KIF26B: variants seen among roughly 807,000 people sequenced by gnomAD.
KIF26B encodes kinesin-like protein KIF26B.
In KIF26B, 63 loss-of-function variants were observed where a neutral mutation model predicts 151.2. That is an observed-to-expected ratio of 0.42 (90% CI 0.34 to 0.51). The LOEUF (loss-of-function observed/expected upper bound fraction) is 0.51. KIF26B is among the 20% of genes least tolerant of loss of function. KIF26B has a pLI of 0.07. For missense variants in KIF26B, 2,813 were observed against 2,913.6 expected (o/e 0.97, Z 0.79); for synonymous variants, 1,357 against 1,262.1 (o/e 1.08, Z -1.59).
chr1:245,181,699 G>A (rs778580709), intron 2 of KIF26B, among the ~76,000 whole-genome samples: 3 of 152,008 alleles, frequency 2.0e-5, no homozygotes, highest in Non-Finnish European at 4.4e-5. Context: ...TTATTCCTTC[G>A]ATTTCTTTTA....
At chr1:245,374,020 T>A in intron 3 of KIF26B, among the ~76,000 whole-genome samples, 1 of 122,392 alleles carries the variant, frequency 8.2e-6, no homozygotes, top group Non-Finnish European at 1.6e-5. Flanking sequence ...ATTGTACCAC[T>A]GCCTGTAACC....
intron 2 of KIF26B, among the ~76,000 whole-genome samples, chr1:245,308,050 A>T (rs190286549): frequency 1.3e-5 from 2 of 152,058 alleles, no homozygotes; most frequent in Non-Finnish European, 2.9e-5. Context: ...TGTCCATCTG[A>T]CTCGTTTCTA....
chr1:245,679,486 T>TG (rs1553303902), intron 10 of KIF26B, among the ~76,000 whole-genome samples: 8 of 102,212 alleles, frequency 7.8e-5, no homozygotes, highest in African/African-American at 2.4e-4. Context: ...TTTTTTTTTT[T>TG]GACACAAGGT....
At chr1:245,681,876 A>C (rs2044444137) in intron 10 of KIF26B, among the ~76,000 whole-genome samples, 1 of 152,260 alleles carries the variant, frequency 6.6e-6, no homozygotes, top group Non-Finnish European at 1.5e-5. Context: ...AAGGTTACGT[A>C]TTGACCAGTT....
intron 3 of KIF26B, among the ~76,000 whole-genome samples, chr1:245,383,901 C>T (rs1041512919): frequency 5.9e-5 from 9 of 152,162 alleles, no homozygotes; most frequent in African/African-American, 1.9e-4. Flanking sequence ...TGTTCCTGAA[C>T]GTGTGCCTGG....
intron 4 of KIF26B, among the ~76,000 whole-genome samples, chr1:245,518,957 T>C (rs1172163826): frequency 6.6e-6 from 1 of 152,212 alleles, no homozygotes; most frequent in East Asian, 1.9e-4. Context: ...ATTCAACCAG[T>C]GTTCATAAAG....
At chr1:245,558,038 T>C (rs1662078296) in intron 5 of KIF26B, among the ~76,000 whole-genome samples, 1 of 152,138 alleles carries the variant, frequency 6.6e-6, no homozygotes, top group Non-Finnish European at 1.5e-5. Context: ...AACGGATGAC[T>C]GCTTAGACAC....
chr1:245,525,252 C>T (rs1352730403), intron 4 of KIF26B, among the ~76,000 whole-genome samples: 1 of 152,156 alleles, frequency 6.6e-6, no homozygotes, highest in Non-Finnish European at 1.5e-5. Context: ...TAAGTTATTT[C>T]TGTCTATGGA....
rs552762041 is a variant in KIF26B at position 245,673,026 on chromosome 1, G to A, written c.2259-11207G>A. Among the ~76,000 whole-genome samples, 8 of 151,862 alleles carry A rather than the reference G, an allele frequency of 5.3e-5. No individual in the cohort carries two copies. The East Asian group carries it at 5.9e-4, about 11-fold the overall frequency. ...CCATAATGCACCCAGTCCCCACGGCGCGCTGCCATCTTAGGCCCAGTCCCC... is the reference window on the plus strand; with the variant it reads ...CCATAATGCACCCAGTCCCCACGGCACGCTGCCATCTTAGGCCCAGTCCCC... On this transcript the variant is annotated intron_variant, in intron 10 of 14. Transcript: ENST00000407071.
At chr1:245,370,568 C>T (rs2103012140) in intron 3 of KIF26B, 1 of 456,596 alleles carries the variant, frequency 2.2e-6, no homozygotes, top group Admixed American at 2.3e-5. Context: ...TCACATTTCA[C>T]CTTCCAGGAC....
chr1:245,694,992 C>T (rs961052475), intron 12 of KIF26B, among the ~76,000 whole-genome samples: 5 of 152,140 alleles, frequency 3.3e-5, no homozygotes, highest in Non-Finnish European at 5.9e-5. Context: ...AGACAGGCGG[C>T]GTCCAATGGG....
At chr1:245,203,255 A>AAAAAAAGAAG (rs61541280) in intron 2 of KIF26B, among the ~76,000 whole-genome samples, 3 of 129,746 alleles carry the variant, frequency 2.3e-5, no homozygotes, top group African/African-American at 9.0e-5. Flanking sequence ...TCAAAAAAAA[A>AAAAAAAGAAG]AAAAGAAAAT....
At position 245,539,759 on chromosome 1, in the gene KIF26B, C is replaced by T. The variant is rs139686625; in HGVS notation, c.1167-1008C>T. Among the ~76,000 whole-genome samples, 975 of 152,196 alleles carry T rather than the reference C, an allele frequency of 6.4e-3. 9 individuals carry two copies. Among genetic ancestry groups the T allele is most frequent in the African/African-American group, 0.022 (919 of 41,538 alleles). On this transcript the variant is annotated intron_variant, in intron 4 of 14. Transcript: ENST00000407071. ...CCTCCGCCTCCTGGGTTCAAGCGATCCTCCTGCCTCAGCCTCCCGAATAGC... is the reference window on the plus strand; with the variant it reads ...CCTCCGCCTCCTGGGTTCAAGCGATTCTCCTGCCTCAGCCTCCCGAATAGC...
At position 245,156,653 on chromosome 1, in the gene KIF26B, G is replaced by T. The variant is rs752444847; in HGVS notation, c.435G>T (p.Arg145Ser). 33 of 1,514,906 alleles carry T rather than the reference G, an allele frequency of 2.2e-5. No homozygotes were observed. The Admixed American group carries it at 5.4e-4, about 25-fold the overall frequency. The allele number at this position is 1,514,906 out of a possible 1,614,324, so 93.8% of individuals were successfully genotyped here. A position where few individuals can be genotyped will look rare whatever the true frequency, so the allele number is the denominator to read the frequency against. The change falls in exon 2 of 15, where the codon AGG (arginine) becomes AGT (serine). Residue 145 changes from arginine to serine, a missense_variant. Physicochemically the swap from Arg to Ser is moderately radical, Grantham distance 110 (BLOSUM62 -1). Around this residue, in one of 3 missense-constraint regions of KIF26B, gnomAD observed 676 missense variants for 688.1 expected, o/e 0.98. Coordinates refer to ENST00000407071, the MANE Select transcript of KIF26B (RefSeq NM_018012.4). The stretch of plus-strand genomic sequence containing the variant: ...TGGAGCTCAAGAGGCAGGCCCTGAG[G>T]TTGCTCCTCCCGGGGCCCTTCCCGG... ...RLVELKRQAL[R>S]LLLPGPFPGK... is the part of the protein sequence containing the mutation.
At chr1:245,575,473 T>A (rs868404728) in intron 5 of KIF26B, among the ~76,000 whole-genome samples, 14 of 143,922 alleles carry the variant, frequency 9.7e-5, no homozygotes, top group Non-Finnish European at 3.0e-5. Context: ...GGACTCCATC[T>A]CAAAAAAAAA....
intron 3 of KIF26B, among the ~76,000 whole-genome samples, chr1:245,418,770 T>G (rs541675056): frequency 3.9e-5 from 6 of 152,316 alleles, no homozygotes; most frequent in Admixed American, 2.6e-4. Flanking sequence ...GCCTGCATAA[T>G]TATTATATTT....
At chr1:245,456,644 T>C (rs989588428) in intron 4 of KIF26B, among the ~76,000 whole-genome samples, 1 of 152,216 alleles carries the variant, frequency 6.6e-6, no homozygotes, top group Non-Finnish European at 1.5e-5. Context: ...ATTAGGATAT[T>C]TGGGTTTTTC....
chr1:245,436,345 G>C (rs1018092213), intron 4 of KIF26B, among the ~76,000 whole-genome samples: 1 of 152,132 alleles, frequency 6.6e-6, no homozygotes, highest in Admixed American at 6.5e-5. Flanking sequence ...GAACCACCCA[G>C]GTACCTACAC....
At position 245,567,224 on chromosome 1, in the gene KIF26B, A is replaced by ATGC. The variant is rs1417885426; in HGVS notation, c.1350+26278_1350+26280dup. 3.3e-5 allele frequency among the ~76,000 whole-genome samples: 5 copies of ATGC among 152,336 alleles called. No individual in the cohort carries two copies. In the East Asian group the frequency reaches 9.6e-4, roughly 29 times the overall value. On this transcript the variant is annotated intron_variant, in intron 5 of 14. Transcript: ENST00000407071. ...TAATATTTCCCCGGAGAGATTCCAGATGCTGCCGGGTGGACTGTGACATGC... is the reference window on the plus strand; with the variant it reads ...TAATATTTCCCCGGAGAGATTCCAGATGCTGCTGCCGGGTGGACTGTGACATGC...
Sources: gnomAD v4.1 joint callset for allele counts (sites outside exome capture counted in the v4.1 genomes callset) on GRCh38, gnomAD v4.1.1 for gene constraint, gnomAD v4.1.1 regional missense constraint, MANE v1.5 for transcripts, NCBI Gene and HGNC (gene_info 2026-07-23, HGNC 2026-07-21) for gene names.